The following EYS variants were observed in gnomAD, a reference collection of about 807,000 sequenced individuals.
The protein encoded by EYS is protein eyes shut homolog.
In EYS, 250 loss-of-function variants were observed where a neutral mutation model predicts 282.1. That is an observed-to-expected ratio of 0.89 (90% CI 0.80 to 0.98). The LOEUF is 0.98. Among genes scored for constraint, EYS ranks in the 50% least tolerant of loss-of-function variants. EYS has a pLI of 0.00. For synonymous variants in EYS, 1,355 were observed against 1,282.9 expected, an observed-to-expected ratio of 1.06 and a Z score of -1.20; for missense variants, 4,016 against 3,709.0, an observed-to-expected ratio of 1.08 and a Z score of -2.15.
At chr6:65,225,674 A>G (rs1242107622) in intron 12 of EYS, among the ~76,000 whole-genome samples, 2 of 151,032 alleles carry the variant, frequency 1.3e-5, no homozygotes, top group Non-Finnish European at 2.9e-5. Context: ...AGATTGTGCC[A>G]TTGCACTCCA....
At position 64,989,462 on chromosome 6, in the gene EYS, A is replaced by AATATAT. The variant is rs372288581; in HGVS notation, c.2259+8114_2259+8119dup. ...AAGAGGCTATTTACTGGCTAGCTGT[A>AATATAT]ATATATATATATATATATATATATA... is the stretch of plus-strand genomic sequence containing the variant. On this transcript the variant is annotated intron_variant, in intron 14 of 42. Coordinates refer to ENST00000503581, the MANE Select transcript of EYS (RefSeq NM_001142800.2). Among the ~76,000 whole-genome samples the AATATAT allele has an allele frequency of 9.5e-3, 961 of 101,174 alleles. 20 individuals carry two copies. The highest frequency in any genetic ancestry group is 0.013 in the Non-Finnish European group (698 of 53,004). The allele number at this position is 101,174 out of a possible 152,430, so 66.4% of individuals were successfully genotyped here. A position where few individuals can be genotyped will look rare whatever the true frequency, so the allele number is the denominator to read the frequency against.
intron 14 of EYS, among the ~76,000 whole-genome samples, chr6:64,976,943 A>T (rs2150114182): frequency 6.6e-6 from 1 of 151,776 alleles, no homozygotes; most frequent in Middle Eastern, 3.4e-3. Context: ...CCCAGGCTGG[A>T]GTGCAGTGGA....
At chr6:64,072,825 G>T (rs1381353665) in intron 32 of EYS, among the ~76,000 whole-genome samples, 1 of 151,854 alleles carries the variant, frequency 6.6e-6, no homozygotes, top group African/African-American at 2.4e-5. Flanking sequence ...TTTGAGATAA[G>T]TCTTAAAAAT....
chr6:65,290,638 T>C (rs1207249098), intron 12 of EYS, among the ~76,000 whole-genome samples: 1 of 151,348 alleles, frequency 6.6e-6, no homozygotes, highest in Non-Finnish European at 1.5e-5. Context: ...ATACTTTCCA[T>C]ATCTTTGTAT....
At chr6:64,808,803 G>C (rs972636290) in intron 22 of EYS, among the ~76,000 whole-genome samples, 2 of 151,962 alleles carry the variant, frequency 1.3e-5, no homozygotes, top group Admixed American at 6.6e-5. Context: ...ATGTACCATT[G>C]TCTTAGTTCT....
intron 26 of EYS, among the ~76,000 whole-genome samples, chr6:64,577,152 T>C (rs1158454473): frequency 6.6e-6 from 1 of 152,142 alleles, no homozygotes; most frequent in Admixed American, 6.6e-5. Context: ...CTGCTGATAC[T>C]GTTTTTTAGT....
rs1200532935 is a variant in EYS at position 64,148,617 on chromosome 6, A to C, written c.6425-66615T>G. ...CTGACCAACTGTTTGCCTCACTGACAGTCCTATAAAATCAGAATCTTGTAT... is the reference window on the plus strand; with the variant it reads ...CTGACCAACTGTTTGCCTCACTGACCGTCCTATAAAATCAGAATCTTGTAT... On this transcript the variant is annotated intron_variant, in intron 31 of 42. Coordinates refer to ENST00000503581, the MANE Select transcript of EYS (RefSeq NM_001142800.2). 5.9e-5 allele frequency among the ~76,000 whole-genome samples: 9 copies of C among 152,310 alleles called. 1 individual carries two copies. Among genetic ancestry groups the C allele is most frequent in the Non-Finnish European group, 1.0e-4 (7 of 68,030 alleles).
At chr6:64,711,619 A>C (rs1020841631) in intron 22 of EYS, among the ~76,000 whole-genome samples, 1 of 152,228 alleles carries the variant, frequency 6.6e-6, no homozygotes, top group African/African-American at 2.4e-5. Flanking sequence ...GTCCAGTTTA[A>C]TTCTACAGAA....
chr6:65,164,544 C>T (rs1435937383), intron 12 of EYS, among the ~76,000 whole-genome samples: 1 of 151,262 alleles, frequency 6.6e-6, no homozygotes, highest in East Asian at 2.0e-4. Context: ...TATCATTACA[C>T]ATTTATGTGA....
At chr6:64,030,304 T>C (rs186564373) in intron 33 of EYS, among the ~76,000 whole-genome samples, 17 of 152,328 alleles carry the variant, frequency 1.1e-4, no homozygotes, top group Admixed American at 2.6e-4. Context: ...TGTACCCTAC[T>C]CCTTTAAAAG....
intron 12 of EYS, among the ~76,000 whole-genome samples, chr6:65,258,826 C>A (rs933252561): frequency 6.6e-6 from 1 of 151,860 alleles, no homozygotes; most frequent in Non-Finnish European, 1.5e-5. Context: ...TGGTTTTTGA[C>A]CATTTGAAAT....
intron 15 of EYS, among the ~76,000 whole-genome samples, chr6:64,928,222 A>G (rs1419526716): frequency 6.6e-6 from 1 of 152,156 alleles, no homozygotes; most frequent in East Asian, 1.9e-4. Flanking sequence ...AGTCTACTTC[A>G]AAACATAAGA....
At chr6:64,500,890 T>C (rs1273740643) in intron 26 of EYS, among the ~76,000 whole-genome samples, 1 of 152,136 alleles carries the variant, frequency 6.6e-6, no homozygotes, top group Non-Finnish European at 1.5e-5. Flanking sequence ...TCATTATTGA[T>C]TGCATAACAT....
intron 28 of EYS, among the ~76,000 whole-genome samples, chr6:64,390,559 G>C (rs1175061216): frequency 2.7e-5 from 4 of 150,138 alleles, no homozygotes; most frequent in Non-Finnish European, 5.9e-5. Context: ...CTGCAGCTGA[G>C]GGTCCTGACT....
At chr6:65,537,832 C>T (rs1375139177) in intron 2 of EYS, among the ~76,000 whole-genome samples, 1 of 152,158 alleles carries the variant, frequency 6.6e-6, no homozygotes, top group Non-Finnish European at 1.5e-5. Flanking sequence ...AATCAAAATC[C>T]AGGAAATATG....
chr6:64,058,783 T>C (rs755820905), intron 33 of EYS, among the ~76,000 whole-genome samples: 1 of 152,190 alleles, frequency 6.6e-6, no homozygotes, highest in Non-Finnish European at 1.5e-5. Context: ...ATACACATTT[T>C]AGAATTAGAA....
chr6:64,496,988 T>G (rs1022015541), intron 26 of EYS, among the ~76,000 whole-genome samples: 1 of 152,102 alleles, frequency 6.6e-6, no homozygotes, highest in Non-Finnish European at 1.5e-5. Flanking sequence ...TATTTTATTA[T>G]CCTAATATTG....
intron 29 of EYS, among the ~76,000 whole-genome samples, chr6:64,352,474 T>C (rs1771676095): frequency 6.6e-6 from 1 of 151,562 alleles, no homozygotes; most frequent in East Asian, 2.0e-4. Context: ...TCACTATCTC[T>C]ATTGTTTTCT....
chr6:64,297,798 T>TG (rs1477291388), intron 30 of EYS, among the ~76,000 whole-genome samples: 1 of 151,910 alleles, frequency 6.6e-6, no homozygotes, highest in African/African-American at 2.4e-5. Context: ...GCCAACATTG[T>TG]GAAACACCAT....
Sources: allele counts gnomAD v4.1 joint callset (sites outside exome capture counted in the v4.1 genomes callset), GRCh38; gene constraint gnomAD v4.1.1; transcripts MANE v1.5; gene names NCBI Gene and HGNC (gene_info 2026-07-23, HGNC 2026-07-21).